The following LARS1 variants were observed in gnomAD, a reference collection of about 807,000 sequenced individuals.
The protein encoded by LARS1 is leucine--tRNA ligase, cytoplasmic.
LARS1 carries 100 observed loss-of-function variants against 162.8 expected under a neutral mutation model. The ratio of observed to expected loss-of-function variants is 0.61; its 90% CI spans 0.52 to 0.73. The LOEUF is 0.73. Among genes scored for constraint, LARS1 ranks in the 30% least tolerant of loss-of-function variants. The pLI, the probability that LARS1 is intolerant of heterozygous loss-of-function variation, is 0.00. For synonymous variants in LARS1, 457 were observed against 462.8 expected, an observed-to-expected ratio of 0.99 and a Z score of 0.16; for missense variants, 1,258 against 1,408.9, an observed-to-expected ratio of 0.89 and a Z score of 1.71.
At position 146,114,275 on chromosome 5, in the gene LARS1, G is replaced by A; in HGVS notation, c.3362C>T (p.Pro1121Leu). 6.2e-7 allele frequency: 1 copy of A among 1,613,200 alleles called. No individual in the cohort carries two copies. The highest frequency in any genetic ancestry group is 8.5e-7 in the Non-Finnish European group (1 of 1,179,840). The change falls in exon 32 of 32, where the codon CCA (proline) becomes CTA (leucine). Residue 1121 changes from proline to leucine, a missense_variant. By Grantham distance (98) the Pro-to-Leu change is moderately conservative. Transcript: ENST00000394434. ...SKVKLMRFDD[P>L]LLGPRRVPVL... ...AGGAACTCGTCGAGGCCCCAACAGT[G>A]GATCATCAAATCTCATCAGTTTCAC...
At chr5:146,119,761 T>C (rs1223626921) in intron 31 of LARS1, among the ~76,000 whole-genome samples, 1 of 152,148 alleles carries the variant, frequency 6.6e-6, no homozygotes, top group East Asian at 1.9e-4. Context: ...AGGCACATTG[T>C]TTAGAAGAAA....
chr5:146,171,959 T>C lies in LARS1; in HGVS notation c.245A>G (p.Lys82Arg), dbSNP rs112954500. Residue 82 changes from lysine to arginine, a missense_variant, in exon 4 of 32, where the codon AAA becomes AGA. Coordinates refer to ENST00000394434, the MANE Select transcript of LARS1 (RefSeq NM_020117.11). ...CAGGCCAAAGGGAAACAGACAACATTTTCCTTTCAATCGCTGGTACCCTAC... is the reference window on the plus strand; with the variant it reads ...CAGGCCAAAGGGAAACAGACAACATCTTCCTTTCAATCGCTGGTACCCTAC... Reference protein sequence around the residue: ...FAVGYQRLKGKCCLFPFGLHC... With the variant: ...FAVGYQRLKGRCCLFPFGLHC... The C allele has an allele frequency of 5.5e-3, 8,911 of 1,613,760 alleles. 41 individuals are homozygous for C. The highest frequency in any genetic ancestry group is 0.01 in the South Asian group (925 of 91,066).
Position 146,166,854 on chromosome 5 carries a change from TA to T in LARS1, c.432+1273del, listed in dbSNP as rs71581863. 1.3e-4 allele frequency among the ~76,000 whole-genome samples: 17 copies of T among 128,914 alleles called. 1 individual carries two copies. The East Asian group carries it at 3.9e-3, about 30-fold the overall frequency. The allele number at this position is 128,914 out of a possible 152,430, so 84.6% of individuals were successfully genotyped here. ...TCTCCCAAAATATATATTAATTATT[TA>T]AAAAAAAATGAAATCTTTACAGGAG... is the stretch of plus-strand genomic sequence containing the variant. On this transcript the variant is annotated intron_variant, in intron 5 of 31. Coordinates refer to ENST00000394434, the MANE Select transcript of LARS1 (RefSeq NM_020117.11).
intron 15 of LARS1, among the ~76,000 whole-genome samples, chr5:146,148,639 G>T (rs928743284): frequency 1.3e-5 from 2 of 152,100 alleles, no homozygotes; most frequent in African/African-American, 2.4e-5. Flanking sequence ...ATAAATGTGG[G>T]ACGTTAGAGA....
At chr5:146,119,680 T>C (rs1751732347) in intron 31 of LARS1, among the ~76,000 whole-genome samples, 1 of 152,184 alleles carries the variant, frequency 6.6e-6, no homozygotes, top group South Asian at 2.1e-4. Flanking sequence ...AATTATTACA[T>C]TGAATCTAAT....
chr5:146,153,793 T>C lies in LARS1; in HGVS notation c.1171A>G (p.Ser391Gly), dbSNP rs1483067441. 59 of 1,613,962 alleles carry C rather than the reference T, an allele frequency of 3.7e-5. No homozygotes were observed. The highest frequency in any genetic ancestry group is 4.8e-5 in the Non-Finnish European group (57 of 1,179,960). ...TCATCAGGGGAGTCGGAAGGAACACTTGTAACCACACCAGTGCCTTAGAAA... is the reference window on the plus strand; with the variant it reads ...TCATCAGGGGAGTCGGAAGGAACACCTGTAACCACACCAGTGCCTTAGAAA... ...KEDKGTGVVT[S>G]VPSDSPDDIA... Residue 391 changes from serine (S) to glycine (G), a missense_variant, in exon 12 of 32, where the codon AGT becomes GGT. Transcript: ENST00000394434.
intron 31 of LARS1, among the ~76,000 whole-genome samples, chr5:146,116,639 G>T (rs548242825): frequency 1.5e-4 from 23 of 152,204 alleles, no homozygotes; most frequent in Admixed American, 1.4e-3. Context: ...TTAGAGAAAA[G>T]ATGAGAGTGA....
In LARS1 at chr5:146,165,334, C is replaced by T. The variant is rs117223978; in HGVS notation, c.433-863G>A. 4.7e-4 allele frequency among the ~76,000 whole-genome samples: 72 copies of T among 151,752 alleles called. No homozygotes were observed. In the East Asian group the frequency reaches 0.014, roughly 29 times the overall value. On this transcript the variant is annotated intron_variant, in intron 5 of 31. Coordinates refer to ENST00000394434, the MANE Select transcript of LARS1 (RefSeq NM_020117.11). ...CAGGTGACAGAGAGAGACTCCATCT[C>T]AAACAACAACAACAACAATAATAAA... is the stretch of plus-strand genomic sequence containing the variant.
At chr5:146,160,637 T>A in intron 6 of LARS1, 151 bp from the exon 7 acceptor site, 1 of 451,480 alleles carries the variant, frequency 2.2e-6, no homozygotes, top group South Asian at 3.6e-5. Flanking sequence ...TAAAAGTATA[T>A]CACAATTACT....
intron 1 of LARS1, among the ~76,000 whole-genome samples, chr5:146,178,030 G>A (rs767920461): frequency 4.6e-5 from 7 of 151,896 alleles, no homozygotes; most frequent in Non-Finnish European, 8.8e-5. Flanking sequence ...CCAGGGAGGC[G>A]GAGGCTGCAG....
At chr5:146,178,211 C>T (rs1313904139) in intron 1 of LARS1, among the ~76,000 whole-genome samples, 1 of 152,122 alleles carries the variant, frequency 6.6e-6, no homozygotes, top group African/African-American at 2.4e-5. Flanking sequence ...TTATATACTA[C>T]AATGTAACAC....
chr5:146,115,550 T>C (rs1392438120), intron 31 of LARS1, among the ~76,000 whole-genome samples: 5 of 130,758 alleles, frequency 3.8e-5, no homozygotes, highest in Non-Finnish European at 7.7e-5. Context: ...CCTAATCTGC[T>C]CTTATGCAAG....
chr5:146,178,717 T>C (rs1170843021), intron 1 of LARS1, among the ~76,000 whole-genome samples: 3 of 152,128 alleles, frequency 2.0e-5, no homozygotes, highest in African/African-American at 7.2e-5. Flanking sequence ...TGCACAACTG[T>C]TCATCCCTTT....
At chr5:146,149,921 G>A (rs545380915) in intron 14 of LARS1, among the ~76,000 whole-genome samples, 89 of 152,218 alleles carry the variant, frequency 5.8e-4, no homozygotes, top group African/African-American at 2.1e-3. Context: ...CACCTCACTA[G>A]GTATCACGGA....
chr5:146,150,644 G>T (rs114794848), intron 14 of LARS1, among the ~76,000 whole-genome samples: 2 of 120,052 alleles, frequency 1.7e-5, no homozygotes. Context: ...AAAAAAAAAA[G>T]AACACAAATC....
chr5:146,148,784 G>A (rs1753131305), intron 15 of LARS1, among the ~76,000 whole-genome samples: 1 of 152,066 alleles, frequency 6.6e-6, no homozygotes, highest in Non-Finnish European at 1.5e-5. Context: ...ATCTGTTAGA[G>A]ATGGAGATTA....
At chr5:146,172,843 G>C in intron 2 of LARS1, 69 bp from the exon 3 acceptor site, 2 of 695,150 alleles carry the variant, frequency 2.9e-6, no homozygotes, top group Non-Finnish European at 4.5e-6. Context: ...CAATAAGGAA[G>C]TGGGGTGAAG....
At chr5:146,175,238 C>T (rs377726851) in intron 2 of LARS1, among the ~76,000 whole-genome samples, 23 of 147,044 alleles carry the variant, frequency 1.6e-4, no homozygotes, top group African/African-American at 4.8e-4. Flanking sequence ...ACTCTGTCTC[C>T]AAATTAAAAA....
chr5:146,179,689 T>C, intron 1 of LARS1: 1 of 442,234 alleles, frequency 2.3e-6, no homozygotes, highest in Non-Finnish European at 4.5e-6. Context: ...AGCCTTGACC[T>C]ACTGGGCTCA....
Sources: allele counts gnomAD v4.1 joint callset (sites outside exome capture counted in the v4.1 genomes callset), GRCh38; gene constraint gnomAD v4.1.1; transcripts MANE v1.5; gene names NCBI Gene and HGNC (gene_info 2026-07-23, HGNC 2026-07-21).